The following LRMDA variants were observed in gnomAD, a reference collection of about 807,000 sequenced individuals.
LRMDA encodes the protein leucine-rich melanocyte differentiation-associated protein.
LRMDA carries 18 observed loss-of-function variants against 29.8 expected under a neutral mutation model. The observed-to-expected ratio is 0.60, with a 90% CI of 0.42 to 0.90. The LOEUF (loss-of-function observed/expected upper bound fraction) is 0.90, where lower values mean the gene tolerates loss of function less well. Among genes scored for constraint, LRMDA ranks in the 40% least tolerant of loss-of-function variants. The pLI, the probability that LRMDA is intolerant of heterozygous loss-of-function variation, is 0.00. For synonymous variants in LRMDA, 125 were observed against 109.4 expected (o/e 1.14, Z -0.89); for missense variants, 273 against 273.9 (o/e 1.00, Z 0.02).
intron 2 of LRMDA, among the ~76,000 whole-genome samples, chr10:75,610,490 A>G (rs1294009878): frequency 2.0e-5 from 3 of 151,942 alleles, no homozygotes; most frequent in African/African-American, 7.3e-5. Flanking sequence ...CCCCACATAC[A>G]CACACACACC....
rs573345725 is a variant in LRMDA, at chr10:76,529,211, A to G, written c.602-27998A>G. ...TTGTTTCCTCCTCTTTAAAATAGGC[A>G]TATTGAAAATTCACTGCCTTTTATG... On this transcript the variant is annotated intron_variant, in intron 6 of 6. Coordinates refer to ENST00000611255, the MANE Select transcript of LRMDA (RefSeq NM_001305581.2). Among the ~76,000 whole-genome samples, 6 of 152,222 alleles carry G rather than the reference A, an allele frequency of 3.9e-5. No homozygotes were observed. In the South Asian group the frequency reaches 6.2e-4, roughly 16 times the overall value.
At chr10:76,463,296 G>C (rs921769538) in intron 6 of LRMDA, among the ~76,000 whole-genome samples, 1 of 152,238 alleles carries the variant, frequency 6.6e-6, no homozygotes, top group African/African-American at 2.4e-5. Flanking sequence ...TGAGATGCAA[G>C]TGGGACCTAT....
rs116565255 is a variant in LRMDA at position 75,995,459 on chromosome 10, G to A, written c.132-40549G>A. Among the ~76,000 whole-genome samples, 794 of 152,266 alleles carry A rather than the reference G, an allele frequency of 5.2e-3. 5 individuals are homozygous for A. Among genetic ancestry groups the A allele is most frequent in the African/African-American group, 0.018 (763 of 41,548 alleles). ...GGCTTGGTTGCAACTGGTCATCTTT[G>A]TAGGCACATTACTACCCCTAGGTGG... is the stretch of plus-strand genomic sequence containing the variant. On this transcript the variant is annotated intron_variant, in intron 2 of 6. Transcript: ENST00000611255.
At chr10:75,664,431 T>C (rs991490901) in intron 2 of LRMDA, among the ~76,000 whole-genome samples, 3 of 152,074 alleles carry the variant, frequency 2.0e-5, no homozygotes, top group African/African-American at 7.2e-5. Flanking sequence ...GGATACAAAG[T>C]TGGGTGATAG....
chr10:76,191,558 G>T (rs1022129544), intron 5 of LRMDA, among the ~76,000 whole-genome samples: 1 of 152,190 alleles, frequency 6.6e-6, no homozygotes, highest in Non-Finnish European at 1.5e-5. Flanking sequence ...AGGCAACTTG[G>T]GGAATGTGGC....
intron 2 of LRMDA, among the ~76,000 whole-genome samples, chr10:75,890,162 C>T (rs1845459987): frequency 6.6e-6 from 1 of 152,108 alleles, no homozygotes; most frequent in Admixed American, 6.5e-5. Context: ...GAGAGGGCCC[C>T]AAGGAGATGG....
chr10:75,671,211 A>G (rs1841887115), intron 2 of LRMDA, among the ~76,000 whole-genome samples: 2 of 152,198 alleles, frequency 1.3e-5, no homozygotes, highest in Admixed American at 6.5e-5. Flanking sequence ...AATGTGCAAT[A>G]TTGAGAAAAT....
At chr10:75,900,417 G>T (rs1451322472) in intron 2 of LRMDA, among the ~76,000 whole-genome samples, 3 of 152,184 alleles carry the variant, frequency 2.0e-5, no homozygotes, top group Non-Finnish European at 4.4e-5. Context: ...TTTTTAAAAA[G>T]GAGGTGTTTA....
intron 6 of LRMDA, among the ~76,000 whole-genome samples, chr10:76,371,405 A>G (rs978677258): frequency 6.6e-6 from 1 of 152,094 alleles, no homozygotes; most frequent in Non-Finnish European, 1.5e-5. Context: ...TTTGGAGTCA[A>G]ACACACTTTA....
At chr10:76,121,417 G>A (rs1022387124) in intron 5 of LRMDA, among the ~76,000 whole-genome samples, 1 of 152,140 alleles carries the variant, frequency 6.6e-6, no homozygotes, top group African/African-American at 2.4e-5. Context: ...AGGAAAAATT[G>A]GGCTTCCAAA....
intron 2 of LRMDA, among the ~76,000 whole-genome samples, chr10:75,567,196 G>A (rs1840384588): frequency 6.6e-6 from 1 of 151,762 alleles, no homozygotes; most frequent in African/African-American, 2.4e-5. Flanking sequence ...CTGCTCCAAA[G>A]CACTGTTTTC....
intron 2 of LRMDA, among the ~76,000 whole-genome samples, chr10:75,589,293 C>A (rs1298769952): frequency 6.6e-6 from 1 of 152,090 alleles, no homozygotes; most frequent in African/African-American, 2.4e-5. Context: ...GGATTTGGGC[C>A]AATATGATAG....
chr10:75,504,716 G>A (rs1372056711), intron 2 of LRMDA, among the ~76,000 whole-genome samples: 1 of 152,124 alleles, frequency 6.6e-6, no homozygotes, highest in Non-Finnish European at 1.5e-5. Flanking sequence ...GGAGGAGAAA[G>A]CATTAGGAAC....
intron 2 of LRMDA, among the ~76,000 whole-genome samples, chr10:75,443,285 G>C (rs746755461): frequency 6.6e-5 from 10 of 152,052 alleles, no homozygotes; most frequent in African/African-American, 2.4e-4. Flanking sequence ...CCTGATCTTA[G>C]AGGAAAAGTT....
At chr10:76,416,847 G>T (rs1041177595) in intron 6 of LRMDA, among the ~76,000 whole-genome samples, 7 of 152,318 alleles carry the variant, frequency 4.6e-5, no homozygotes, top group African/African-American at 1.7e-4. Context: ...AAATGTGCGT[G>T]TGCCTGTGTG....
chr10:76,119,185 C>T (rs546991169), intron 5 of LRMDA, among the ~76,000 whole-genome samples: 2 of 151,340 alleles, frequency 1.3e-5, no homozygotes, highest in African/African-American at 4.8e-5. Flanking sequence ...GGCATTTGTT[C>T]ATATTGACAT....
chr10:76,405,044 C>T (rs1027896016), intron 6 of LRMDA, among the ~76,000 whole-genome samples: 1 of 152,092 alleles, frequency 6.6e-6, no homozygotes, highest in Non-Finnish European at 1.5e-5. Context: ...CAGTTGACAC[C>T]TAGATGTTAT....
At chr10:76,491,481 C>T (rs1165256924) in intron 6 of LRMDA, among the ~76,000 whole-genome samples, 1 of 151,786 alleles carries the variant, frequency 6.6e-6, no homozygotes, top group Non-Finnish European at 1.5e-5. Flanking sequence ...TCCTTTGGCA[C>T]TTTAAATTAA....
chr10:76,535,823 G>C (rs530801834), intron 6 of LRMDA: 1 of 151,922 alleles, frequency 6.6e-6, no homozygotes, highest in Non-Finnish European at 1.5e-5. Context: ...TGTCGCCCAG[G>C]CTGGAGTGCA....
Sources: allele counts gnomAD v4.1 joint callset (sites outside exome capture counted in the v4.1 genomes callset), GRCh38; gene constraint gnomAD v4.1.1; transcripts MANE v1.5; gene names NCBI Gene and HGNC (gene_info 2026-07-23, HGNC 2026-07-21).